USP28: variants seen among roughly 807,000 people sequenced by gnomAD.
USP28 encodes the protein ubiquitin specific peptidase 28, also known as ubiquitin carboxyl-terminal hydrolase 28.
USP28 carries 113 observed loss-of-function variants against 145.0 expected under a neutral mutation model. The observed-to-expected ratio is 0.78, with a 90% CI of 0.67 to 0.91. The LOEUF (loss-of-function observed/expected upper bound fraction) is 0.91. USP28 is among the 40% of genes least tolerant of loss of function. The probability of loss-of-function intolerance (pLI) is 0.00; values close to 1 mark genes in which losing one functional copy is unlikely to be tolerated. For synonymous variants in USP28, 447 were observed against 450.9 expected (o/e 0.99, Z 0.11); for missense variants, 1,201 against 1,289.6 (o/e 0.93, Z 1.05).
chr11:113,832,181 C>A (rs911252830), intron 7 of USP28, among the ~76,000 whole-genome samples, 188 bp from the exon 8 acceptor site: 6 of 152,124 alleles, frequency 3.9e-5, no homozygotes, highest in Admixed American at 1.3e-4. Flanking sequence ...GCGATCTCAG[C>A]TCAATGCAGC....
At chr11:113,819,286 T>C (rs550033679) in intron 12 of USP28, among the ~76,000 whole-genome samples, 92 of 151,982 alleles carry the variant, frequency 6.1e-4, no homozygotes, top group African/African-American at 2.1e-3. Context: ...CTAATTTTTA[T>C]ATTTTTAGTA....
At chr11:113,874,676 T>C in intron 1 of USP28, 1 of 1,238,860 alleles carries the variant, frequency 8.1e-7, no homozygotes, top group African/African-American at 1.6e-5. Flanking sequence ...GAAGTAACAC[T>C]AGAAGACATG....
At chr11:113,862,697 A>C (rs1341281532) in intron 1 of USP28, among the ~76,000 whole-genome samples, 5 of 152,194 alleles carry the variant, frequency 3.3e-5, no homozygotes, top group Admixed American at 3.3e-4. Flanking sequence ...ATACATTTGC[A>C]ATGGATGCCT....
intron 1 of USP28, among the ~76,000 whole-genome samples, chr11:113,874,002 G>C (rs974896511): frequency 6.6e-6 from 1 of 151,728 alleles, no homozygotes; most frequent in Non-Finnish European, 1.5e-5. Context: ...TTAGCTGGGC[G>C]TGGTGGCACG....
intron 5 of USP28, among the ~76,000 whole-genome samples, chr11:113,838,072 C>A (rs1452340792): frequency 6.6e-6 from 1 of 152,150 alleles, no homozygotes; most frequent in East Asian, 1.9e-4. Context: ...CCATTACTCT[C>A]CTGCCCTTTT....
exon 21 of USP28, chr11:113,804,679 C>G (rs530993498): frequency 6.2e-7 from 1 of 1,613,930 alleles, no homozygotes; most frequent in Non-Finnish European, 8.5e-7. Flanking sequence ...TTACCTTGTA[C>G]TCTTCCATAT....
chr11:113,823,021 A>C (rs1226184315), intron 12 of USP28, among the ~76,000 whole-genome samples: 1 of 152,220 alleles, frequency 6.6e-6, no homozygotes, highest in East Asian at 1.9e-4. Context: ...TTAAGCGCAA[A>C]ATCAACGGGA....
At position 113,815,157 on chromosome 11, in the gene USP28, A is replaced by AT; in HGVS notation, c.1672+16dup. 7 of 1,609,976 alleles carry AT rather than the reference A, an allele frequency of 4.3e-6. No individual in the cohort carries two copies. Among genetic ancestry groups the AT allele is most frequent in the Non-Finnish European group, 5.9e-6 (7 of 1,178,392 alleles). ...AGAAAAAGCAAAGAGTAACTGACAAATTTTAAAAGAGCCAACCTTGTATAT... is the reference window on the plus strand; with the variant it reads ...AGAAAAAGCAAAGAGTAACTGACAAATTTTTAAAAGAGCCAACCTTGTATAT... On this transcript the variant is annotated intron_variant, in intron 14 of 24. Coordinates refer to ENST00000003302, the Ensembl canonical transcript of USP28.
chr11:113,805,896 G>A (rs1939864648), intron 19 of USP28, among the ~76,000 whole-genome samples: 1 of 152,114 alleles, frequency 6.6e-6, no homozygotes, highest in Non-Finnish European at 1.5e-5. Flanking sequence ...AGTTGGACAG[G>A]AAAGGAAGTC....
chr11:113,804,819 A>G (rs748114057), intron 20 of USP28, 49 bp downstream of exon 21: 2 of 1,611,580 alleles, frequency 1.2e-6, no homozygotes, highest in South Asian at 1.1e-5. Flanking sequence ...AGAGGAGTCC[A>G]TCTAGCCCAA....
chr11:113,799,417 T>C lies in USP28; in HGVS notation c.3059-2A>G. 6.2e-7 allele frequency: 1 copy of C among 1,612,332 alleles called. No homozygotes were observed. The highest frequency in any genetic ancestry group is 8.5e-7 in the Non-Finnish European group (1 of 1,179,382). ...CCCCTAGGCACAGCTGCAGATTTTC[T>C]GTGGAGGGAAAACAGATGGTTACAT... On this transcript the variant is annotated splice_acceptor_variant, in intron 24 of 24. Transcript: ENST00000003302. LOFTEE classifies it high-confidence loss of function.
intron 3 of USP28, among the ~76,000 whole-genome samples, chr11:113,850,899 T>C (rs1946377880): frequency 6.6e-6 from 1 of 152,230 alleles, no homozygotes; most frequent in African/African-American, 2.4e-5. Flanking sequence ...CTGACACTTC[T>C]GCCGTGAATG....
chr11:113,814,002 CTA>C (rs1491372986), intron 14 of USP28, 47 bp from the exon 15 acceptor site: 1 of 1,406,128 alleles, frequency 7.1e-7, no homozygotes, highest in East Asian at 2.3e-5. Context: ...TGATCTCATT[CTA>C]TGTCACACAG....
intron 11 of USP28, among the ~76,000 whole-genome samples, chr11:113,826,337 ATTTTTT>A (rs71063527): frequency 3.4e-3 from 174 of 50,764 alleles, no homozygotes; most frequent in African/African-American, 0.012. Flanking sequence ...CACCACACCC[ATTTTTT>A]TTTTTTTTTT....
chr11:113,817,722 T>C (rs778229863), exon 13 of USP28: 2 of 1,614,250 alleles, frequency 1.2e-6, no homozygotes, highest in African/African-American at 1.3e-5. Flanking sequence ...GTCATATGTG[T>C]GTCACTTTCA....
chr11:113,831,892 G>C, intron 8 of USP28, 28 bp downstream of exon 8: 1 of 1,602,978 alleles, frequency 6.2e-7, no homozygotes, highest in Non-Finnish European at 8.5e-7. Context: ...GAGTCGGAAG[G>C]ATGTACAAAC....
exon 13 of USP28, chr11:113,817,796 G>C: frequency 1.2e-6 from 2 of 1,614,148 alleles, no homozygotes; most frequent in South Asian, 1.1e-5. Context: ...CAGCATGTCC[G>C]GGAGCGGGAA....
intron 1 of USP28, among the ~76,000 whole-genome samples, chr11:113,855,328 G>A (rs1050741451): frequency 6.6e-6 from 1 of 151,892 alleles, no homozygotes; most frequent in Non-Finnish European, 1.5e-5. Flanking sequence ...ACAAAACACC[G>A]ATTTGCAAGT....
At chr11:113,847,411 C>G (rs888173503) in intron 3 of USP28, among the ~76,000 whole-genome samples, 2 of 116,784 alleles carry the variant, frequency 1.7e-5, no homozygotes, top group African/African-American at 6.8e-5. Context: ...TAACAAAGGA[C>G]TTGATTTCTT....
Sources: allele counts gnomAD v4.1 joint callset (sites outside exome capture counted in the v4.1 genomes callset), GRCh38; gene constraint gnomAD v4.1.1; transcripts MANE v1.5; gene names NCBI Gene and HGNC (gene_info 2026-07-23, HGNC 2026-07-21).